The following ITGA2 variants were observed in gnomAD, a reference collection of about 807,000 sequenced individuals.
ITGA2 encodes integrin alpha-2.
A neutral mutation model predicts 146.3 loss-of-function variants in ITGA2; 101 were observed. The ratio of observed to expected loss-of-function variants is 0.69; its 90% confidence interval spans 0.59 to 0.81. ITGA2 has a LOEUF of 0.81. Ranked by LOEUF, ITGA2 falls within the 40% of genes least tolerant of loss-of-function variation. ITGA2 has a pLI of 0.00. For synonymous variants in ITGA2, 477 were observed against 487.1 expected, an observed-to-expected ratio of 0.98 and a Z score of 0.27; for missense variants, 1,281 against 1,402.7, an observed-to-expected ratio of 0.91 and a Z score of 1.39.
In ITGA2 at chr5:53,073,239, T is replaced by C. The variant is rs1215915769; in HGVS notation, c.2551T>C (p.Phe851Leu). The part of the protein sequence containing the change: ...IVVDFSENLF[F>L]ASFSLPVDGT... Reference sequence around the variant, plus strand: ...TGTTGATTTTTCAGAAAACTTGTTTTTTGCATCATTCTCCCTGCCGGTATG... The same window carrying C: ...TGTTGATTTTTCAGAAAACTTGTTTCTTGCATCATTCTCCCTGCCGGTATG... The change falls in exon 20 of 30, where the codon TTT (phenylalanine) becomes CTT (leucine). Residue 851 changes from phenylalanine to leucine, a missense_variant. By Grantham distance (22) the Phe-to-Leu change is conservative. Around this residue, in one of 3 missense-constraint regions of ITGA2, gnomAD observed 475 missense variants for 530.5 expected, o/e 0.90. Transcript: ENST00000296585. 2 of 1,612,370 alleles carry C rather than the reference T, an allele frequency of 1.2e-6. No homozygotes were observed. The highest frequency in any genetic ancestry group is 1.7e-6 in the Non-Finnish European group (2 of 1,178,864).
chr5:53,001,012 C>T (rs2111694139), intron 1 of ITGA2, among the ~76,000 whole-genome samples: 1 of 149,850 alleles, frequency 6.7e-6, no homozygotes, highest in Middle Eastern at 3.5e-3. Context: ...AGCGATTCTC[C>T]TGCCTCAGAT....
intron 3 of ITGA2, among the ~76,000 whole-genome samples, chr5:53,044,727 G>A (rs983391273): frequency 1.3e-5 from 2 of 151,692 alleles, no homozygotes; most frequent in African/African-American, 4.8e-5. Context: ...CTAGAATATT[G>A]TAAAAAAAAT....
At chr5:53,047,746 C>T (rs1308937024) in intron 4 of ITGA2, among the ~76,000 whole-genome samples, 1 of 152,106 alleles carries the variant, frequency 6.6e-6, no homozygotes, top group Non-Finnish European at 1.5e-5. Flanking sequence ...TATACCTGAC[C>T]CCAAGCCCTC....
chr5:53,042,485 T>C (rs1364366747), intron 3 of ITGA2, among the ~76,000 whole-genome samples: 1 of 152,156 alleles, frequency 6.6e-6, no homozygotes, highest in Non-Finnish European at 1.5e-5. Context: ...TAGAATAATT[T>C]TGATGATTAC....
intron 1 of ITGA2, among the ~76,000 whole-genome samples, chr5:53,007,331 G>A (rs1223979965): frequency 1.3e-5 from 2 of 152,116 alleles, no homozygotes; most frequent in Non-Finnish European, 2.9e-5. Context: ...AATTTATAGA[G>A]AAGTGGCTTG....
At chr5:53,085,430 G>A (rs529739749) in intron 27 of ITGA2, among the ~76,000 whole-genome samples, 8 of 152,298 alleles carry the variant, frequency 5.3e-5, no homozygotes, top group African/African-American at 1.9e-4. Context: ...GTATGCCTGT[G>A]AGAAGGGCCT....
At chr5:53,018,046 T>A (rs1200165562) in intron 1 of ITGA2, among the ~76,000 whole-genome samples, 2 of 152,016 alleles carry the variant, frequency 1.3e-5, no homozygotes, top group Non-Finnish European at 1.5e-5. Flanking sequence ...GGAAGCACTC[T>A]GGTTGGGCAT....
intron 1 of ITGA2, 72 bp from the exon 2 acceptor site, chr5:53,026,676 C>T: frequency 7.3e-7 from 1 of 1,364,166 alleles, no homozygotes; most frequent in Non-Finnish European, 1.0e-6. Flanking sequence ...TTAAAAATGG[C>T]CTTTGAGAAT....
intron 1 of ITGA2, among the ~76,000 whole-genome samples, chr5:53,011,204 C>A (rs1742108088): frequency 6.6e-6 from 1 of 152,104 alleles, no homozygotes; most frequent in Admixed American, 6.5e-5. Context: ...TCCATTAAGA[C>A]ATATAGAGGG....
At chr5:53,072,186 A>C in intron 18 of ITGA2, 138 bp downstream of exon 18, 2 of 709,044 alleles carry the variant, frequency 2.8e-6, no homozygotes, top group South Asian at 3.1e-5. Flanking sequence ...ATATGCATAA[A>C]GTTCACTAAC....
chr5:52,992,755 A>G (rs983751844), intron 1 of ITGA2, among the ~76,000 whole-genome samples: 3 of 152,140 alleles, frequency 2.0e-5, no homozygotes, highest in Non-Finnish European at 2.9e-5. Flanking sequence ...TATGTTTCCA[A>G]TTACTGCTTT....
At position 53,070,105 on chromosome 5, in the gene ITGA2, A is replaced by G. The variant is rs766321672; in HGVS notation, c.2084-4A>G. ...ACATTTCTTTATGATTTTTTTTATC[A>G]TAGCCATTGTATATAACATCACACT... On this transcript the variant is annotated splice_polypyrimidine_tract_variant and splice_region_variant and intron_variant, in intron 16 of 29. Transcript: ENST00000296585. 3.7e-6 allele frequency: 6 copies of G among 1,604,220 alleles called. No homozygotes were observed. The East Asian group carries it at 1.1e-4, about 30-fold the overall frequency.
chr5:53,071,951 T>C lies in ITGA2; in HGVS notation c.2249T>C (p.Val750Ala). The C allele has an allele frequency of 1.2e-6, 2 of 1,612,086 alleles. No individual in the cohort carries two copies. Among genetic ancestry groups the C allele is most frequent in the Non-Finnish European group, 1.7e-6 (2 of 1,178,670 alleles). ...HIIYIQEPSD[V>A]VNSLDLRVDI... ...GTGTATGTTTAGGAGCCCTCTGATGTTGTCAACTCTTTGGATTTGCGTGTG... is the reference window on the plus strand; with the variant it reads ...GTGTATGTTTAGGAGCCCTCTGATGCTGTCAACTCTTTGGATTTGCGTGTG... Residue 750 changes from valine (V) to alanine (A), a missense_variant, in exon 18 of 30, where the codon GTT (valine) becomes GCT (alanine). Physicochemically the swap from Val to Ala is moderately conservative, Grantham distance 64 (BLOSUM62 0). Transcript: ENST00000296585.
intron 3 of ITGA2, among the ~76,000 whole-genome samples, chr5:53,043,931 G>A (rs1029904016): frequency 2.6e-5 from 4 of 151,998 alleles, no homozygotes; most frequent in Non-Finnish European, 2.9e-5. Flanking sequence ...TGCAGTAGTC[G>A]TTATTCACTG....
At chr5:53,072,166 C>A in intron 18 of ITGA2, 118 bp downstream of exon 18, 1 of 756,472 alleles carries the variant, frequency 1.3e-6, no homozygotes, top group Non-Finnish European at 2.3e-6. Context: ...TCTAAATGAA[C>A]TACAATTACA....
chr5:53,074,675 CA>C (rs1433601543), intron 21 of ITGA2, among the ~76,000 whole-genome samples, 198 bp downstream of exon 21: 1 of 151,864 alleles, frequency 6.6e-6, no homozygotes, highest in Non-Finnish European at 1.5e-5. Context: ...CAATTCATTC[CA>C]AAAGGTACAC....
chr5:52,989,829 CACACACAG>C (rs1014911194), intron 1 of ITGA2, among the ~76,000 whole-genome samples: 6 of 143,990 alleles, frequency 4.2e-5, no homozygotes, highest in Admixed American at 7.0e-5. Flanking sequence ...CACACACACA[CACACACAG>C]ACAGACACGC....
At chr5:53,056,533 G>T (rs1265574045) in intron 9 of ITGA2, among the ~76,000 whole-genome samples, 2 of 151,790 alleles carry the variant, frequency 1.3e-5, no homozygotes, top group Non-Finnish European at 2.9e-5. Flanking sequence ...ATGACTTTTG[G>T]GGGACAATGT....
At position 52,989,769 on chromosome 5, in the gene ITGA2, C is replaced by T. The variant is rs1276328565; in HGVS notation, c.64+237C>T. ...GCGTCTCGCCCTGTCTGTTAAGCAC[C>T]CTCCAAAGTCATCTCAGTGAGTGCT... On this transcript the variant is annotated intron_variant, in intron 1 of 29. Coordinates refer to ENST00000296585, the MANE Select transcript of ITGA2 (RefSeq NM_002203.4). Among the ~76,000 whole-genome samples, 4 of 152,154 alleles carry T rather than the reference C, an allele frequency of 2.6e-5. No homozygotes were observed. The East Asian group carries it at 5.8e-4, about 22-fold the overall frequency.
Sources: gnomAD v4.1 joint callset for allele counts (sites outside exome capture counted in the v4.1 genomes callset) on GRCh38, gnomAD v4.1.1 for gene constraint, gnomAD v4.1.1 regional missense constraint, MANE v1.5 for transcripts, NCBI Gene and HGNC (gene_info 2026-07-23, HGNC 2026-07-21) for gene names.